Variants in NBEAL2 observed in about 807,000 individuals in gnomAD.
NBEAL2 encodes the protein neurobeachin like 2, also known as neurobeachin-like protein 2.
Under a neutral mutation model 299.8 loss-of-function variants are expected in NBEAL2, and 160 were observed. The ratio of observed to expected loss-of-function variants is 0.53; its 90% CI spans 0.47 to 0.61. NBEAL2 has a LOEUF of 0.61. NBEAL2 is among the 20% of genes least tolerant of loss of function. The probability of loss-of-function intolerance (pLI) is 0.00; values close to 1 mark genes in which losing one functional copy is unlikely to be tolerated. For synonymous variants in NBEAL2, 1,493 were observed against 1,542.3 expected (o/e 0.97, Z 0.75); for missense variants, 3,112 against 3,649.0 (o/e 0.85, Z 3.79).
Position 47,007,249 on chromosome 3 carries a change from G to A in NBEAL2, c.7233G>A (p.Val2411=). The A allele has an allele frequency of 6.2e-7, 1 of 1,612,176 alleles. No homozygotes were observed. Among genetic ancestry groups the A allele is most frequent in the East Asian group, 2.2e-5 (1 of 44,830 alleles). The change falls in exon 47 of 54, where the codon GTG becomes GTA. Residue 2411 remains valine (V), a synonymous_variant. Transcript: ENST00000450053. ...CCCCCTCCTGCCTGCAGGTGACTGT[G>A]AGTGCCAGTGGGCTGCTGGGCACCC... is the stretch of plus-strand genomic sequence containing the variant. ...TQGSPDLLVT[V]SASGLLGTHS...
chr3:46,995,661 TC>T, intron 13 of NBEAL2, 28 bp downstream of exon 13: 1 of 1,609,124 alleles, frequency 6.2e-7, no homozygotes, highest in Non-Finnish European at 8.5e-7. Context: ...GCCAGGGACC[TC>T]CTGCCAGGGT....
At position 47,001,937 on chromosome 3, in the gene NBEAL2, C is replaced by A; in HGVS notation, c.4800C>A (p.Tyr1600Ter). The A allele has an allele frequency of 1.2e-6, 2 of 1,604,380 alleles. No homozygotes were observed. Among genetic ancestry groups the A allele is most frequent in the Non-Finnish European group, 1.7e-6 (2 of 1,173,520 alleles). ...LEDPQLHAQAYVRLHMLLQTA... is the reference protein window; with the variant it reads ...LEDPQLHAQA ...GCCCACAGCTGCATGCCCAGGCCTACGTGAGATTGCACATGCTGCTACAGA... is the reference window on the plus strand; with the variant it reads ...GCCCACAGCTGCATGCCCAGGCCTAAGTGAGATTGCACATGCTGCTACAGA... Residue 1600 changes from tyrosine to a stop codon, truncating the protein, a stop_gained, in exon 31 of 54, where the codon TAC becomes TAA. Transcript: ENST00000450053. LOFTEE classifies it high-confidence loss of function. This position sits in a 1 kb window ranked among gnomAD's most constrained non-coding sequence, Gnocchi z 6.1.
In NBEAL2 at chr3:47,003,331, T is replaced by TTGGACTGGTGTGG. The variant is rs1170589233; in HGVS notation, c.5720+26_5720+38dup. ...CCCCGTGAGTGGGGCCCTGGAGAGATTGGACTGGTGTGGTGGGCAAGGGGT... is the reference window on the plus strand; with the variant it reads ...CCCCGTGAGTGGGGCCCTGGAGAGATTGGACTGGTGTGGTGGACTGGTGTGGTGGGCAAGGGGT... On this transcript the variant is annotated intron_variant, in intron 35 of 53. Coordinates refer to ENST00000450053, the MANE Select transcript of NBEAL2 (RefSeq NM_015175.3). This position sits in a 1 kb window ranked among gnomAD's most constrained non-coding sequence, Gnocchi z 7.0. The TTGGACTGGTGTGG allele has an allele frequency of 1.0e-5, 16 of 1,606,774 alleles. No homozygotes were observed. The highest frequency in any genetic ancestry group is 1.3e-5 in the Non-Finnish European group (15 of 1,176,898).
rs2036955445 is a variant in NBEAL2, at chr3:47,001,192, G to T, written c.4484+13G>T. The T allele has an allele frequency of 1.9e-6, 3 of 1,606,046 alleles. No individual in the cohort carries two copies. In the Admixed American group the frequency reaches 5.0e-5, roughly 27 times the overall value. ...GCATCAAGCGCAGGTGAGAGGGAAA[G>T]TCTGGAGGGGGAGGGGCTTCAGGAA... On this transcript the variant is annotated intron_variant, in intron 28 of 53. Transcript: ENST00000450053. The surrounding 1 kb of genome is among the most constrained non-coding windows in gnomAD (Gnocchi z 6.1).
chr3:47,008,267 A>C lies in NBEAL2; in HGVS notation c.7720-16A>C. The C allele has an allele frequency of 6.2e-7, 1 of 1,613,174 alleles. No homozygotes were observed. The highest frequency in any genetic ancestry group is 8.5e-7 in the Non-Finnish European group (1 of 1,179,464). ...GCCCAGACTCCTGCCCAGGACCCTA[A>C]GTTGCCTTCCTGCAGGATGGAACTG... On this transcript the variant is annotated splice_polypyrimidine_tract_variant and intron_variant, in intron 50 of 53. Coordinates refer to ENST00000450053, the MANE Select transcript of NBEAL2 (RefSeq NM_015175.3).
Position 46,995,949 on chromosome 3 carries a change from C to G in NBEAL2, c.2049C>G (p.Val683=). 1.2e-6 allele frequency: 2 copies of G among 1,613,394 alleles called. No individual in the cohort carries two copies. The highest frequency in any genetic ancestry group is 1.7e-6 in the Non-Finnish European group (2 of 1,179,770). ...TGTTCTAGCACTGCGTGGCTATCGT[C>G]CATGTGCCTGGGCGCCGGCCCTTCA... ...ADSAWHCVAI[V]HVPGRRPFSQ... The change falls in exon 15 of 54, where the codon GTC becomes GTG. Residue 683 remains valine (V), a synonymous_variant. Coordinates refer to ENST00000450053, the MANE Select transcript of NBEAL2 (RefSeq NM_015175.3).
chr3:47,003,024 G>A lies in NBEAL2; in HGVS notation c.5527G>A (p.Val1843Met). The change falls in exon 34 of 54, where the codon GTG becomes ATG. Residue 1843 changes from valine to methionine, a missense_variant. Coordinates refer to ENST00000450053, the MANE Select transcript of NBEAL2 (RefSeq NM_015175.3). This position sits in a 1 kb window ranked among gnomAD's most constrained non-coding sequence, Gnocchi z 7.0. ...ATATTCACGCATGCGTCTGAAGCTGGTGCCCAACCATCACTTCGACCCTCA... is the reference window on the plus strand; with the variant it reads ...ATATTCACGCATGCGTCTGAAGCTGATGCCCAACCATCACTTCGACCCTCA... The part of the protein sequence containing the change: ...ETYSRMRLKL[V>M]PNHHFDPHLE... 6.2e-7 allele frequency: 1 copy of A among 1,613,368 alleles called. No individual in the cohort carries two copies. The highest frequency in any genetic ancestry group is 8.5e-7 in the Non-Finnish European group (1 of 1,179,772).
At chr3:47,007,013 T>C (rs2037493361) in intron 45 of NBEAL2, 53 bp from the exon 46 acceptor site, 7 of 1,406,748 alleles carry the variant, frequency 5.0e-6, no homozygotes, top group Middle Eastern at 1.9e-4. Flanking sequence ...AGGGAGCAGA[T>C]AGTGTAATCT....
Position 46,996,823 on chromosome 3 carries a change from A to G in NBEAL2, c.2546A>G (p.Tyr849Cys). Residue 849 changes from tyrosine to cysteine, a missense_variant, in exon 17 of 54, where the codon TAC becomes TGC. By Grantham distance (194) the Tyr-to-Cys change is radical. Transcript: ENST00000450053. ...CTCAGCACCAGGCTGCTCCTCCATT[A>G]CTCACCTCAGGTATTTGGGGGCCCC... ...HELSTRLLLH[Y>C]SPQACKNNIC... is the part of the protein sequence containing the mutation. 6.2e-7 allele frequency: 1 copy of G among 1,612,412 alleles called. No homozygotes were observed. The highest frequency in any genetic ancestry group is 8.5e-7 in the Non-Finnish European group (1 of 1,179,710).
chr3:46,998,672 C>A, intron 22 of NBEAL2, 45 bp from the exon 23 acceptor site: 1 of 1,555,124 alleles, frequency 6.4e-7, no homozygotes, highest in Non-Finnish European at 8.7e-7. Flanking sequence ...CCTCTCTCCC[C>A]GCCTTTCTTT....
In NBEAL2 at chr3:46,996,773, C is replaced by T. The variant is rs755031786; in HGVS notation, c.2496C>T (p.Phe832=). 3 of 1,612,580 alleles carry T rather than the reference C, an allele frequency of 1.9e-6. No homozygotes were observed. Among genetic ancestry groups the T allele is most frequent in the South Asian group, 1.1e-5 (1 of 91,062 alleles). The change falls in exon 17 of 54, where the codon TTC becomes TTT. Residue 832 remains phenylalanine (F), a synonymous_variant. Coordinates refer to ENST00000450053, the MANE Select transcript of NBEAL2 (RefSeq NM_015175.3). ...CAGGGCCCAATGAGACGGCACCCTT[C>T]AAGCCTGAGGGGGAGCTGCATGAGC... ...CTLGPNETAP[F]KPEGELHELS...
At position 46,998,240 on chromosome 3, in the gene NBEAL2, C is replaced by A. The variant is rs774356315; in HGVS notation, c.3118+14C>A. ...CCGTGCGCCTCGGTAGGTGTGAGGA[C>A]CTGAGCAAGGGGCCGGCCATAGGGC... On this transcript the variant is annotated intron_variant, in intron 21 of 53. Coordinates refer to ENST00000450053, the MANE Select transcript of NBEAL2 (RefSeq NM_015175.3). 4.4e-6 allele frequency: 7 copies of A among 1,606,388 alleles called. No individual in the cohort carries two copies. Among genetic ancestry groups the A allele is most frequent in the Non-Finnish European group, 5.9e-6 (7 of 1,176,652 alleles).
rs1559583071 is a variant in NBEAL2 at position 46,988,534 on chromosome 3, C to G, written c.52-135C>G. The G allele has an allele frequency of 1.6e-6, 1 of 637,234 alleles. No individual in the cohort carries two copies. 39.5% of individuals were successfully genotyped at this position (637,234 alleles called of 1,614,324 possible). ...CCACTCCCCTTCTCCACACCCTCCA[C>G]TCTGCCTTTAACCCCTTGTCCATGC... On this transcript the variant is annotated intron_variant, in intron 1 of 53. Coordinates refer to ENST00000450053, the MANE Select transcript of NBEAL2 (RefSeq NM_015175.3). The surrounding 1 kb of genome is among the most constrained non-coding windows in gnomAD (Gnocchi z 4.4).
chr3:46,985,999 G>A lies in NBEAL2; in HGVS notation c.52-2670G>A, dbSNP rs188333622. Among the ~76,000 whole-genome samples the A allele has an allele frequency of 5.7e-4, 87 of 152,274 alleles. 1 individual carries two copies. The South Asian group carries it at 6.2e-3, about 11-fold the overall frequency. On this transcript the variant is annotated intron_variant, in intron 1 of 53. Transcript: ENST00000450053. ...GCTCCCTGAGGGACTCCCGTACCCC[G>A]ACACATTGCAGTCTCAAGCCATGGG... is the stretch of plus-strand genomic sequence containing the variant.
Position 47,001,312 on chromosome 3 carries a change from C to A in NBEAL2, c.4518C>A (p.Thr1506=). The A allele has an allele frequency of 2.5e-6, 4 of 1,612,484 alleles. No individual in the cohort carries two copies. Among genetic ancestry groups the A allele is most frequent in the Non-Finnish European group, 3.4e-6 (4 of 1,179,012 alleles). ...LLEMMLESAL[T]DIKEAPVGVL... is the part of the protein sequence containing the mutation. ...AGATGATGCTGGAGTCAGCCCTGAC[C>A]GACATCAAAGAGGCCCCCGTGGGGG... is the stretch of plus-strand genomic sequence containing the variant. The change falls in exon 29 of 54, where the codon ACC becomes ACA. Residue 1506 remains threonine (T), a synonymous_variant. Transcript: ENST00000450053. This position sits in a 1 kb window ranked among gnomAD's most constrained non-coding sequence, Gnocchi z 6.1.
Position 47,005,240 on chromosome 3 carries a change from A to C in NBEAL2, c.6479A>C (p.Tyr2160Ser). The change falls in exon 40 of 54, where the codon TAC becomes TCC. Residue 2160 changes from tyrosine to serine, a missense_variant. Physicochemically the swap from Tyr to Ser is moderately radical, Grantham distance 144 (BLOSUM62 -2). Coordinates refer to ENST00000450053, the MANE Select transcript of NBEAL2 (RefSeq NM_015175.3). The stretch of plus-strand genomic sequence containing the variant: ...GACAAGTTCCACTATGGCACCCACT[A>C]CTCCAATGCAGCAGGCGTGATGCAC... ...TIDKFHYGTHYSNAAGVMHYL... is the reference protein window; with the variant it reads ...TIDKFHYGTHSSNAAGVMHYL... The C allele has an allele frequency of 6.2e-7, 1 of 1,613,238 alleles. No individual in the cohort carries two copies. Among genetic ancestry groups the C allele is most frequent in the Non-Finnish European group, 8.5e-7 (1 of 1,179,788 alleles).
In NBEAL2 at chr3:46,995,309, G is replaced by A. The variant is rs367783432; in HGVS notation, c.1574G>A (p.Arg525His). ...QLLALLQALG[R>H]VSIRPMELRH... ...CTGGCACTGCTACAAGCACTGGGCCGTGTATCAATAAGGCCCATGGAGCTG... is the reference window on the plus strand; with the variant it reads ...CTGGCACTGCTACAAGCACTGGGCCATGTATCAATAAGGCCCATGGAGCTG... Residue 525 changes from arginine (R) to histidine (H), a missense_variant, in exon 13 of 54, where the codon CGT becomes CAT. Arg to His is a conservative substitution (Grantham distance 29, BLOSUM62 0). Around this residue, in one of 3 missense-constraint regions of NBEAL2, gnomAD observed 2,243 missense variants for 2,538.1 expected, o/e 0.88. Coordinates refer to ENST00000450053, the MANE Select transcript of NBEAL2 (RefSeq NM_015175.3). 13 of 1,584,028 alleles carry A rather than the reference G, an allele frequency of 8.2e-6. No individual in the cohort carries two copies. The highest frequency in any genetic ancestry group is 3.6e-5 in the Admixed American group (2 of 55,276).
Position 46,982,930 on chromosome 3 carries a change from C to T in NBEAL2, c.51+3018C>T, listed in dbSNP as rs1334404897. ...CTGGGGACAGCACCTGACAGGCTGG[C>T]GGTTGGGCAGCCCATAAAAGTTAAT... On this transcript the variant is annotated intron_variant, in intron 1 of 53. Coordinates refer to ENST00000450053, the MANE Select transcript of NBEAL2 (RefSeq NM_015175.3). The surrounding 1 kb of genome is among the most constrained non-coding windows in gnomAD (Gnocchi z 4.2). Among the ~76,000 whole-genome samples, 2 of 152,066 alleles carry T rather than the reference C, an allele frequency of 1.3e-5. No individual in the cohort carries two copies. The highest frequency in any genetic ancestry group is 2.9e-5 in the Non-Finnish European group (2 of 68,016).
Position 46,997,498 on chromosome 3 carries a change from C to T in NBEAL2, c.2825-63C>T, listed in dbSNP as rs1559599967. 7 of 1,589,118 alleles carry T rather than the reference C, an allele frequency of 4.4e-6. 1 individual carries two copies. The Middle Eastern group carries it at 6.7e-4, about 152-fold the overall frequency. Reference sequence around the variant, plus strand: ...TGGCATGGTAGGGGGGTGGAATGCCCAAGGTCTCCTGGCCACTGGCAGGCC... The same window carrying T: ...TGGCATGGTAGGGGGGTGGAATGCCTAAGGTCTCCTGGCCACTGGCAGGCC... On this transcript the variant is annotated intron_variant, in intron 19 of 53. Transcript: ENST00000450053.
Sources: allele counts gnomAD v4.1 joint callset (sites outside exome capture counted in the v4.1 genomes callset), GRCh38; gene constraint gnomAD v4.1.1; regional missense constraint gnomAD v4.1.1; non-coding constraint Gnocchi (gnomAD v3.1); transcripts MANE v1.5; gene names NCBI Gene and HGNC (gene_info 2026-07-23, HGNC 2026-07-21).